LUC7L: variants seen among roughly 807,000 people sequenced by gnomAD.
LUC7L encodes the protein LUC7 like, also known as putative RNA-binding protein Luc7-like 1.
In LUC7L, 29 loss-of-function variants were observed where a neutral mutation model predicts 51.1. That is an observed-to-expected ratio of 0.57 (90% CI 0.42 to 0.77). LUC7L has a LOEUF of 0.77. Ranked by LOEUF, LUC7L falls within the 30% of genes least tolerant of loss-of-function variation. LUC7L has a pLI of 0.00. For missense variants in LUC7L, 403 were observed against 511.9 expected (o/e 0.79, Z 2.05); for synonymous variants, 181 against 180.7 (o/e 1.00, Z -0.01).
intron 5 of LUC7L, among the ~76,000 whole-genome samples, chr16:203,710 C>CG (rs1398426836): frequency 4.9e-4 from 25 of 50,584 alleles, no homozygotes; most frequent in African/African-American, 1.9e-3. Context: ...CGTCTCAGGG[C>CG]GGGGGGCGGG....
chr16:221,009 CACAACT>C (rs1384987074), intron 2 of LUC7L, among the ~76,000 whole-genome samples: 3 of 152,040 alleles, frequency 2.0e-5, no homozygotes, highest in Non-Finnish European at 2.9e-5. Flanking sequence ...CTGTAATCAT[CACAACT>C]ACATTAATTG....
Position 190,151 on chromosome 16 carries a change from G to C in LUC7L, c.807-16C>G, listed in dbSNP as rs551568783. 2 of 1,604,312 alleles carry C rather than the reference G, an allele frequency of 1.2e-6. No homozygotes were observed. Among genetic ancestry groups the C allele is most frequent in the African/African-American group, 2.7e-5 (2 of 74,876 alleles). Reference sequence around the variant, plus strand: ...GGAGCGTGACCTGAACAATCAGAAGGCTCCAAGGCTGAGACTCTATAGGTG... The same window carrying C: ...GGAGCGTGACCTGAACAATCAGAAGCCTCCAAGGCTGAGACTCTATAGGTG... On this transcript the variant is annotated splice_polypyrimidine_tract_variant and intron_variant, in intron 8 of 9. Transcript: ENST00000293872.
chr16:205,887 C>A, intron 5 of LUC7L, 117 bp downstream of exon 5: 1 of 1,257,722 alleles, frequency 8.0e-7, no homozygotes, highest in Non-Finnish European at 1.1e-6. Flanking sequence ...CTGTGCTGGG[C>A]CCAAAATGTA....
At chr16:193,263 C>T (rs978005420) in intron 6 of LUC7L, among the ~76,000 whole-genome samples, 2 of 151,688 alleles carry the variant, frequency 1.3e-5, no homozygotes, top group South Asian at 2.1e-4. Context: ...TCTTCTGCCT[C>T]GGCCTCCCAA....
intron 5 of LUC7L, among the ~76,000 whole-genome samples, chr16:205,373 G>A (rs1170176668): frequency 6.6e-6 from 1 of 152,072 alleles, no homozygotes; most frequent in East Asian, 1.9e-4. Context: ...ATATTTTATG[G>A]CAGTAAATAA....
intron 6 of LUC7L, among the ~76,000 whole-genome samples, chr16:194,124 G>C (rs542044696): frequency 9.1e-4 from 137 of 150,796 alleles, no homozygotes; most frequent in African/African-American, 3.2e-3. Flanking sequence ...TTTGAAACAG[G>C]GTCTTGCTCT....
At chr16:223,695 A>C (rs1377615375) in intron 2 of LUC7L, among the ~76,000 whole-genome samples, 2 of 150,470 alleles carry the variant, frequency 1.3e-5, no homozygotes, top group Non-Finnish European at 3.0e-5. Flanking sequence ...TTTGAGGCGG[A>C]GTCTCACTCT....
chr16:207,724 A>G (rs1258489284), intron 4 of LUC7L, among the ~76,000 whole-genome samples: 1 of 152,130 alleles, frequency 6.6e-6, no homozygotes, highest in African/African-American at 2.4e-5. Context: ...ATAGCTATTG[A>G]CAACGCCGGG....
intron 3 of LUC7L, among the ~76,000 whole-genome samples, chr16:212,742 T>C (rs1255076869): frequency 2.6e-5 from 4 of 152,116 alleles, no homozygotes; most frequent in Non-Finnish European, 5.9e-5. Flanking sequence ...CAAAGACACA[T>C]TCATTACATT....
chr16:204,082 T>C (rs2049410136), intron 5 of LUC7L, among the ~76,000 whole-genome samples: 1 of 152,012 alleles, frequency 6.6e-6, no homozygotes, highest in Admixed American at 6.6e-5. Flanking sequence ...AAGCATGAAA[T>C]ATTTAGGTAG....
intron 5 of LUC7L, among the ~76,000 whole-genome samples, chr16:200,327 G>A (rs1348492450): frequency 6.6e-6 from 1 of 152,012 alleles, no homozygotes; most frequent in East Asian, 1.9e-4. Context: ...AGGAGGCTGA[G>A]GCAGGAGAAT....
At position 229,378 on chromosome 16, in the gene LUC7L, T is replaced by TC; in HGVS notation, c.-40dup. 1 of 1,473,000 alleles carries TC rather than the reference T, an allele frequency of 6.8e-7. No homozygotes were observed. Among genetic ancestry groups the TC allele is most frequent in the East Asian group, 2.8e-5 (1 of 36,246 alleles). 91.2% of individuals were successfully genotyped at this position (1,473,000 alleles called of 1,614,324 possible). ...GGCGACGGGGTCGGCCGCGACGACT[T>TC]CTCTCAGGCAGGCGGTGGCAGCGGC... On this transcript the variant is annotated 5_prime_UTR_variant, in exon 1 of 10. Coordinates refer to ENST00000293872, the MANE Select transcript of LUC7L (RefSeq NM_201412.3).
chr16:207,732 G>C (rs376863018), intron 4 of LUC7L, among the ~76,000 whole-genome samples: 1 of 152,248 alleles, frequency 6.6e-6, no homozygotes, highest in East Asian at 1.9e-4. Context: ...TGACAACGCC[G>C]GGCGCGGTGG....
At chr16:205,034 G>T (rs1442212699) in intron 5 of LUC7L, among the ~76,000 whole-genome samples, 1 of 152,202 alleles carries the variant, frequency 6.6e-6, no homozygotes, top group Non-Finnish European at 1.5e-5. Flanking sequence ...AATGGCAACA[G>T]GAAGTGGCAT....
intron 5 of LUC7L, among the ~76,000 whole-genome samples, chr16:204,537 T>C (rs2049426455): frequency 6.7e-6 from 1 of 148,948 alleles, no homozygotes; most frequent in African/African-American, 2.5e-5. Context: ...GAGCTTGCAG[T>C]GAACTGAGAT....
intron 2 of LUC7L, among the ~76,000 whole-genome samples, chr16:223,080 C>T (rs1186099196): frequency 1.3e-5 from 2 of 151,598 alleles, no homozygotes; most frequent in Non-Finnish European, 2.9e-5. Context: ...GCATGCTAGG[C>T]TGGGCACGGT....
intron 2 of LUC7L, among the ~76,000 whole-genome samples, chr16:226,798 T>A (rs1331666862): frequency 6.6e-6 from 1 of 152,214 alleles, no homozygotes; most frequent in Non-Finnish European, 1.5e-5. Context: ...TTACAAAAAA[T>A]CTGGTAACTT....
intron 2 of LUC7L, among the ~76,000 whole-genome samples, chr16:224,955 G>A (rs2050089032): frequency 6.6e-6 from 1 of 152,168 alleles, no homozygotes; most frequent in Non-Finnish European, 1.5e-5. Flanking sequence ...CTCTTTGGAT[G>A]TAGCTTTTCA....
chr16:192,838 C>T lies in LUC7L; in HGVS notation c.776+89G>A, dbSNP rs1344308508. 1.0e-5 allele frequency: 12 copies of T among 1,154,012 alleles called. No individual in the cohort carries two copies. In the East Asian group the frequency reaches 2.3e-4, roughly 23 times the overall value. The allele number at this position is 1,154,012 out of a possible 1,614,324, so 71.5% of individuals were successfully genotyped here. On this transcript the variant is annotated intron_variant, in intron 7 of 9. Coordinates refer to ENST00000293872, the MANE Select transcript of LUC7L (RefSeq NM_201412.3). Reference sequence around the variant, plus strand: ...CTTTTATAACGGCCTATTGGGCAGGCCCTGCCTATTCCAAGCAACAGTGGA... The same window carrying T: ...CTTTTATAACGGCCTATTGGGCAGGTCCTGCCTATTCCAAGCAACAGTGGA...
Sources: gnomAD v4.1 joint callset for allele counts (sites outside exome capture counted in the v4.1 genomes callset) on GRCh38, gnomAD v4.1.1 for gene constraint, MANE v1.5 for transcripts, NCBI Gene and HGNC (gene_info 2026-07-23, HGNC 2026-07-21) for gene names.